PSG7: variants seen among roughly 807,000 people sequenced by gnomAD.
PSG7 encodes pregnancy-specific beta-1-glycoprotein 7.
PSG7 carries 57 observed loss-of-function variants against 45.6 expected under a neutral mutation model. That is an observed-to-expected ratio of 1.25 (90% CI 1.01 to 1.56). PSG7 has a LOEUF of 1.56. Ranked by LOEUF, PSG7 falls within the 40% of genes most tolerant of loss-of-function variation. The pLI is 0.00. For missense variants in PSG7, 796 were observed against 508.4 expected, an observed-to-expected ratio of 1.57 and a Z score of -5.44; for synonymous variants, 298 against 194.4, an observed-to-expected ratio of 1.53 and a Z score of -4.43.
At position 42,924,629 on chromosome 19, in the gene PSG7, G is replaced by T; in HGVS notation, c.*179C>A. 1.5e-6 allele frequency: 1 copy of T among 682,874 alleles called. No homozygotes were observed. The allele number at this position is 682,874 out of a possible 1,614,324, so 42.3% of individuals were successfully genotyped here. ...TTCCTTGTTTACAGTTTGAGCAGCT[G>T]TTGTTATGGTGTTGAACATTTTGGT... On this transcript the variant is annotated 3_prime_UTR_variant, in exon 6 of 6. Transcript: ENST00000406070.
In PSG7 at chr19:42,935,488, C is replaced by A. The variant is rs1385396353; in HGVS notation, c.346G>T (p.Asp116Tyr). ...ATGTGTAAAGTGTAGGATCCTGTGT[C>A]TTCCTGGGTGACATTCTGGATCAGC... is the stretch of plus-strand genomic sequence containing the variant. ...SLLIQNVTQE[D>Y]TGSYTLHIIK... The change falls in exon 2 of 6, where the codon GAC (aspartate) becomes TAC (tyrosine). Residue 116 changes from aspartate (D) to tyrosine (Y), a missense_variant. Coordinates refer to ENST00000406070, the MANE Select transcript of PSG7 (RefSeq NM_002783.3). 1.9e-6 allele frequency: 3 copies of A among 1,612,098 alleles called. No homozygotes were observed. The highest frequency in any genetic ancestry group is 1.7e-5 in the Admixed American group (1 of 59,856).
intron 5 of PSG7, 39 bp downstream of exon 5, chr19:42,925,734 C>G (rs1250324684): frequency 6.2e-7 from 1 of 1,611,108 alleles, no homozygotes; most frequent in South Asian, 1.1e-5. Context: ...ATAGACTGCA[C>G]CTAAAACCCT....
rs1972893291 is a variant in PSG7, at chr19:42,926,504, A to G, written c.922T>C (p.Tyr308His). The G allele has an allele frequency of 1.9e-6, 3 of 1,611,286 alleles. No homozygotes were observed. The African/African-American group carries it at 4.0e-5, about 22-fold the overall frequency. Residue 308 changes from tyrosine (Y) to histidine (H), a missense_variant, in exon 4 of 6, where the codon TAT becomes CAT. Transcript: ENST00000406070. ...PSVTRNETGP[Y>H]QCEIRDRYGG... ...TATCGGTCCCGTATTTCACATTGAT[A>G]GGGTCCTGTTTCATTTCTCGTGACA... is the stretch of plus-strand genomic sequence containing the variant.
At position 42,925,882 on chromosome 19, in the gene PSG7, C is replaced by A; in HGVS notation, c.1134G>T (p.Lys378Asn). ...INGKFQLSGQ[K>N]LSIPQITTKH... Reference sequence around the variant, plus strand: ...TTGTAGTAATCTGGGGGATAGAAAGCTTTTGTCCTGATAGCTGAAACTTCC... The same window carrying A: ...TTGTAGTAATCTGGGGGATAGAAAGATTTTGTCCTGATAGCTGAAACTTCC... Residue 378 changes from lysine (K) to asparagine (N), a missense_variant, in exon 5 of 6, where the codon AAG becomes AAT. Coordinates refer to ENST00000406070, the MANE Select transcript of PSG7 (RefSeq NM_002783.3). 6.2e-7 allele frequency: 1 copy of A among 1,612,106 alleles called. No individual in the cohort carries two copies. Among genetic ancestry groups the A allele is most frequent in the South Asian group, 1.1e-5 (1 of 90,604 alleles).
Position 42,935,859 on chromosome 19 carries a change from T to A in PSG7, c.65-90A>T. 3 of 1,418,772 alleles carry A rather than the reference T, an allele frequency of 2.1e-6. No individual in the cohort carries two copies. The South Asian group carries it at 4.1e-5, about 19-fold the overall frequency. The allele number at this position is 1,418,772 out of a possible 1,614,324, so 87.9% of individuals were successfully genotyped here. On this transcript the variant is annotated intron_variant, in intron 1 of 5. Transcript: ENST00000406070. Reference sequence around the variant, plus strand: ...CTGGGTCCTGAGAAGGTCTCTTCAATCCTCAGCCTTGAAGACACACACACA... The same window carrying A: ...CTGGGTCCTGAGAAGGTCTCTTCAAACCTCAGCCTTGAAGACACACACACA...
At chr19:42,930,126 T>C (rs546241582) in intron 2 of PSG7, among the ~76,000 whole-genome samples, 2 of 151,646 alleles carry the variant, frequency 1.3e-5, no homozygotes, top group Non-Finnish European at 1.5e-5. Context: ...ATGTTTTCTC[T>C]TCAGCTTCCC....
At chr19:42,930,127 T>C (rs150358238) in intron 2 of PSG7, among the ~76,000 whole-genome samples, 3 of 151,608 alleles carry the variant, frequency 2.0e-5, no homozygotes, top group Non-Finnish European at 4.4e-5. Context: ...TGTTTTCTCT[T>C]CAGCTTCCCT....
At position 42,929,437 on chromosome 19, in the gene PSG7, C is replaced by T. The variant is rs187064656; in HGVS notation, c.709+5G>A. ...CTGGCTAACAGAGGAACAGAAGATA[C>T]TCACGGAGGAGATTCAGGGTGACTG... On this transcript the variant is annotated splice_donor_5th_base_variant and intron_variant, in intron 3 of 5. Coordinates refer to ENST00000406070, the MANE Select transcript of PSG7 (RefSeq NM_002783.3). The T allele has an allele frequency of 1.2e-6, 2 of 1,612,144 alleles. No individual in the cohort carries two copies. The highest frequency in any genetic ancestry group is 2.2e-5 in the East Asian group (1 of 44,810).
chr19:42,935,340 T>C, intron 2 of PSG7, 64 bp downstream of exon 2: 2 of 1,598,696 alleles, frequency 1.3e-6, no homozygotes, highest in Non-Finnish European at 8.6e-7. Context: ...CTGACAATTC[T>C]GTGTGTGTGA....
intron 2 of PSG7, among the ~76,000 whole-genome samples, chr19:42,930,160 G>C (rs1972988507): frequency 2.6e-5 from 4 of 151,640 alleles, no homozygotes; most frequent in Non-Finnish European, 5.9e-5. Context: ...CCTAGAGATG[G>C]ATGATGGAAC....
intron 2 of PSG7, among the ~76,000 whole-genome samples, chr19:42,931,947 C>A (rs1453146661): frequency 6.6e-6 from 1 of 151,556 alleles, no homozygotes; most frequent in African/African-American, 2.4e-5. Flanking sequence ...TCTATTGACA[C>A]ATTCTCAAGC....
chr19:42,929,535 C>A lies in PSG7; in HGVS notation c.616G>T (p.Gly206Cys), dbSNP rs141236309. The A allele has an allele frequency of 1.1e-3, 1,741 of 1,612,556 alleles. 88 individuals are homozygous for A. The East Asian group carries it at 0.031, about 29-fold the overall frequency. The change falls in exon 3 of 6, where the codon GGT (glycine) becomes TGT (cysteine). Residue 206 changes from glycine to cysteine, a missense_variant. Coordinates refer to ENST00000406070, the MANE Select transcript of PSG7 (RefSeq NM_002783.3). ...GGTCCTGCAGTATAGTTTGTGACAC[C>A]AAATAGGTAGAGGGTCCTGTTGGTT... The part of the protein sequence containing the change: ...SETNRTLYLF[G>C]VTNYTAGPYE...
intron 3 of PSG7, chr19:42,927,141 G>C (rs1004057136): frequency 8.6e-6 from 2 of 233,020 alleles, no homozygotes; most frequent in African/African-American, 4.4e-5. Context: ...CCATTTCCAA[G>C]GACATTCTAG....
intron 1 of PSG7, chr19:42,936,118 A>C: frequency 3.9e-6 from 1 of 254,922 alleles, no homozygotes; most frequent in Non-Finnish European, 7.4e-6. Flanking sequence ...GCATCCTTAG[A>C]CTTCTTTCCT....
In PSG7 at chr19:42,924,298, A is replaced by G. The variant is rs1386047113; in HGVS notation, c.*510T>C. On this transcript the variant is annotated 3_prime_UTR_variant, in exon 6 of 6. Coordinates refer to ENST00000406070, the MANE Select transcript of PSG7 (RefSeq NM_002783.3). ...CTTTATAGAAACCATCTTCTCTGCA[A>G]ACACACAGGCAATATCTCTGTGTTC... The G allele has an allele frequency of 3.0e-6, 1 of 329,734 alleles. No homozygotes were observed. The highest frequency in any genetic ancestry group is 5.5e-6 in the Non-Finnish European group (1 of 183,010). 20.4% of individuals were successfully genotyped at this position (329,734 alleles called of 1,614,324 possible). A position where few individuals can be genotyped will look rare whatever the true frequency, so the allele number is the denominator to read the frequency against.
rs570395429 is a variant in PSG7 at position 42,928,742 on chromosome 19, G to T, written c.709+700C>A. ...GTGGCTCTTCCCTGATAGCCAGATA[G>T]ACTTCCCTGGAAAACATATTGCCAA... On this transcript the variant is annotated intron_variant, in intron 3 of 5. Transcript: ENST00000406070. Among the ~76,000 whole-genome samples the T allele has an allele frequency of 7.9e-5, 12 of 151,446 alleles. 1 individual carries two copies. In the South Asian group the frequency reaches 2.5e-3, roughly 32 times the overall value.
Position 42,935,368 on chromosome 19 carries a change from C to T in PSG7, c.430+36G>A, listed in dbSNP as rs59911953. On this transcript the variant is annotated intron_variant, in intron 2 of 5. Coordinates refer to ENST00000406070, the MANE Select transcript of PSG7 (RefSeq NM_002783.3). Reference sequence around the variant, plus strand: ...GTGTGTGAAGTAGAAATGACCCCTGCCCCCCAACACCCAGGGACCATGTGG... The same window carrying T: ...GTGTGTGAAGTAGAAATGACCCCTGTCCCCCAACACCCAGGGACCATGTGG... 7,438 of 1,609,036 alleles carry T rather than the reference C, an allele frequency of 4.6e-3. 389 individuals are homozygous for T. In the African/African-American group the frequency reaches 0.084, roughly 18 times the overall value.
At chr19:42,928,520 A>C (rs1972944584) in intron 3 of PSG7, among the ~76,000 whole-genome samples, 1 of 151,628 alleles carries the variant, frequency 6.6e-6, no homozygotes, top group African/African-American at 2.4e-5. Flanking sequence ...ACTTATTCCA[A>C]AATATTTTAT....
chr19:42,931,325 A>T (rs1973014687), intron 2 of PSG7, among the ~76,000 whole-genome samples: 1 of 149,654 alleles, frequency 6.7e-6, no homozygotes, highest in African/African-American at 2.5e-5. Context: ...CATTATGCTC[A>T]AAGAAAGATG....
Sources: gnomAD v4.1 joint callset for allele counts (sites outside exome capture counted in the v4.1 genomes callset) on GRCh38, gnomAD v4.1.1 for gene constraint, MANE v1.5 for transcripts, NCBI Gene and HGNC (gene_info 2026-07-23, HGNC 2026-07-21) for gene names.